The following CEP112 variants were observed in gnomAD, a reference collection of about 807,000 sequenced individuals.
CEP112 encodes the protein centrosomal protein 112, also known as centrosomal protein of 112 kDa.
In CEP112, 127 loss-of-function variants were observed where a neutral mutation model predicts 153.0. The ratio of observed to expected loss-of-function variants is 0.83; its 90% confidence interval spans 0.72 to 0.96. CEP112 has a LOEUF of 0.96. CEP112 is among the 40% of genes least tolerant of loss of function. The pLI is 0.00. For missense variants in CEP112, 1,089 were observed against 1,101.2 expected (o/e 0.99, Z 0.16); for synonymous variants, 358 against 374.4 (o/e 0.96, Z 0.51).
intron 20 of CEP112, among the ~76,000 whole-genome samples, chr17:65,890,909 T>C (rs1035423496): frequency 1.3e-5 from 2 of 152,164 alleles, no homozygotes; most frequent in African/African-American, 4.8e-5. Flanking sequence ...CCACGCAGCC[T>C]TTGATGTGTG....
Position 65,961,545 on chromosome 17 carries a change from T to G in CEP112, c.1790A>C (p.Gln597Pro), listed in dbSNP as rs375839037. Residue 597 changes from glutamine to proline, a missense_variant, in exon 18 of 27, where the codon CAG becomes CCG. Physicochemically the swap from Gln to Pro is moderately conservative, Grantham distance 76. Coordinates refer to ENST00000535342, the MANE Select transcript of CEP112 (RefSeq NM_001199165.4). ...RVTEVQRLQA[Q>P]QADAALEEFK... ...CTCTTCCAGAGCGGCATCTGCCTGC[T>G]GGGCCTGCAACCTCTGAACTTCAGT... is the stretch of plus-strand genomic sequence containing the variant. 1.6e-4 allele frequency: 260 copies of G among 1,613,764 alleles called. No homozygotes were observed. The highest frequency in any genetic ancestry group is 3.3e-4 in the Middle Eastern group (2 of 6,044).
intron 24 of CEP112, among the ~76,000 whole-genome samples, chr17:65,684,054 A>G (rs940602177): frequency 4.6e-5 from 7 of 152,104 alleles, no homozygotes; most frequent in African/African-American, 1.4e-4. Flanking sequence ...AACAAAAACA[A>G]AAACAAAAAC....
intron 17 of CEP112, among the ~76,000 whole-genome samples, chr17:65,970,119 C>T (rs558111686): frequency 6.6e-6 from 1 of 152,160 alleles, no homozygotes; most frequent in Non-Finnish European, 1.5e-5. Context: ...ACATGCATAT[C>T]GCATGTATAT....
chr17:65,814,896 T>G (rs2145942521), intron 21 of CEP112, among the ~76,000 whole-genome samples: 2 of 152,294 alleles, frequency 1.3e-5, no homozygotes, highest in Admixed American at 1.3e-4. Flanking sequence ...GTATGTTTTC[T>G]TCTTATTGAG....
rs556897966 is a variant in CEP112, at chr17:65,949,809, C to A, written c.1872+11654G>T. 3.9e-5 allele frequency among the ~76,000 whole-genome samples: 6 copies of A among 152,216 alleles called. No homozygotes were observed. The South Asian group carries it at 1.2e-3, about 32-fold the overall frequency. The stretch of plus-strand genomic sequence containing the variant: ...CCTGGCTATCCTTATCTGGTAACAT[C>A]CTCATTTTGTCTGGATAGGGTTCTT... On this transcript the variant is annotated intron_variant, in intron 18 of 26. Transcript: ENST00000535342.
chr17:65,820,107 A>G (rs2056454372), intron 21 of CEP112, among the ~76,000 whole-genome samples: 1 of 152,114 alleles, frequency 6.6e-6, no homozygotes, highest in Admixed American at 6.6e-5. Context: ...AAAAACAAAA[A>G]TGTTAAAAAG....
intron 23 of CEP112, among the ~76,000 whole-genome samples, chr17:65,713,879 C>G (rs956608680): frequency 6.6e-6 from 1 of 152,142 alleles, no homozygotes. Flanking sequence ...TGAGTCACCA[C>G]GCCCAGCCGT....
chr17:65,858,458 G>C (rs542505355), intron 20 of CEP112, among the ~76,000 whole-genome samples: 1 of 151,708 alleles, frequency 6.6e-6, no homozygotes, highest in Non-Finnish European at 1.5e-5. Context: ...CATTTCACCT[G>C]GGTTCTCCAA....
chr17:65,972,585 CCCA>C (rs2062881846), intron 17 of CEP112, among the ~76,000 whole-genome samples: 2 of 152,064 alleles, frequency 1.3e-5, no homozygotes, highest in South Asian at 4.2e-4. Flanking sequence ...ATCAGTGAAT[CCCA>C]AAGCTGGTTC....
intron 21 of CEP112, among the ~76,000 whole-genome samples, chr17:65,821,516 A>ATATATATATATATAAT (rs2056555130): frequency 3.4e-5 from 1 of 29,024 alleles, no homozygotes; most frequent in African/African-American, 1.5e-4. Context: ...ATATATAATT[A>ATATATATATATATAAT]TATATATATA....
intron 6 of CEP112, among the ~76,000 whole-genome samples, chr17:66,102,817 T>C (rs2068622702): frequency 6.7e-6 from 1 of 149,534 alleles, no homozygotes; most frequent in African/African-American, 2.5e-5. Context: ...AAAAAAGAAT[T>C]AAAAAATTCC....
chr17:66,119,480 C>T (rs2069467953), intron 6 of CEP112, among the ~76,000 whole-genome samples: 1 of 152,190 alleles, frequency 6.6e-6, no homozygotes, highest in Non-Finnish European at 1.5e-5. Flanking sequence ...ATTTAAAAAA[C>T]AGCCTTTTTA....
intron 8 of CEP112, among the ~76,000 whole-genome samples, chr17:66,093,243 A>G (rs993747524): frequency 1.3e-3 from 201 of 152,210 alleles, no homozygotes; most frequent in African/African-American, 4.6e-3. Context: ...TGGGGAGGCT[A>G]AGGCAGGAGA....
intron 16 of CEP112, among the ~76,000 whole-genome samples, chr17:66,026,882 T>C (rs1004987666): frequency 6.6e-6 from 1 of 152,216 alleles, no homozygotes; most frequent in Non-Finnish European, 1.5e-5. Flanking sequence ...CTGAATATTT[T>C]TGATCCATGT....
chr17:66,142,408 T>G (rs901484201), intron 4 of CEP112, among the ~76,000 whole-genome samples: 4 of 152,202 alleles, frequency 2.6e-5, no homozygotes, highest in Non-Finnish European at 5.9e-5. Flanking sequence ...TGGGGTTATA[T>G]CTAAGAAATT....
At chr17:65,773,751 C>G (rs551829716) in intron 21 of CEP112, among the ~76,000 whole-genome samples, 3 of 152,282 alleles carry the variant, frequency 2.0e-5, no homozygotes, top group African/African-American at 7.2e-5. Flanking sequence ...CCCTGCCCAG[C>G]TTGTCATTCT....
At chr17:65,798,854 A>G (rs923300878) in intron 21 of CEP112, among the ~76,000 whole-genome samples, 3 of 152,244 alleles carry the variant, frequency 2.0e-5, no homozygotes, top group Non-Finnish European at 4.4e-5. Context: ...AAAATTCTAC[A>G]TGAAAATGCA....
intron 16 of CEP112, among the ~76,000 whole-genome samples, chr17:66,021,128 G>A (rs1318432366): frequency 6.6e-6 from 1 of 152,114 alleles, no homozygotes; most frequent in Non-Finnish European, 1.5e-5. Context: ...GAGGCCAGGA[G>A]CGTGTGAAAA....
intron 24 of CEP112, among the ~76,000 whole-genome samples, chr17:65,667,249 G>A (rs900615607): frequency 2.0e-5 from 3 of 152,102 alleles, no homozygotes; most frequent in African/African-American, 7.2e-5. Context: ...GACCCACCAA[G>A]CCTTAACACA....
Sources: allele counts gnomAD v4.1 joint callset (sites outside exome capture counted in the v4.1 genomes callset), GRCh38; gene constraint gnomAD v4.1.1; transcripts MANE v1.5; gene names NCBI Gene and HGNC (gene_info 2026-07-23, HGNC 2026-07-21).